The following YARS2 variants were observed in gnomAD, a reference collection of about 807,000 sequenced individuals.
YARS2 encodes the protein tyrosine--tRNA ligase, mitochondrial.
In YARS2, 38 loss-of-function variants were observed where a neutral mutation model predicts 45.0. The observed-to-expected ratio is 0.84, with a 90% CI of 0.65 to 1.11. The LOEUF is 1.11. Among genes scored for constraint, YARS2 ranks in the 50% least tolerant of loss-of-function variants. The pLI, the probability that YARS2 is intolerant of heterozygous loss-of-function variation, is 0.00. For missense variants in YARS2, 602 were observed against 599.8 expected, an observed-to-expected ratio of 1.00 and a Z score of -0.04; for synonymous variants, 287 against 245.1, an observed-to-expected ratio of 1.17 and a Z score of -1.60.
intron 4 of YARS2, among the ~76,000 whole-genome samples, chr12:32,748,753 A>C (rs1286976397): frequency 6.6e-6 from 1 of 152,246 alleles, no homozygotes; most frequent in East Asian, 1.9e-4. Flanking sequence ...CAGGCAGAAT[A>C]GTCTAGGACT....
At position 32,747,421 on chromosome 12, in the gene YARS2, CA is replaced by C. The variant is rs1031902328; in HGVS notation, c.1275-59del. 12 of 1,568,202 alleles carry C rather than the reference CA, an allele frequency of 7.7e-6. No homozygotes were observed. The African/African-American group carries it at 1.4e-4, about 18-fold the overall frequency. ...ATCCAATCACTGTTGATCTGTCCCC[CA>C]AAAAAGACTGTTTCACTTAGATTTC... On this transcript the variant is annotated intron_variant, in intron 4 of 4. Transcript: ENST00000324868.
intron 3 of YARS2, 122 bp downstream of exon 3, chr12:32,750,597 T>A: frequency 7.7e-7 from 1 of 1,304,458 alleles, no homozygotes; most frequent in East Asian, 2.4e-5. Context: ...TTTAAATTGC[T>A]AAGTCAAATA....
chr12:32,751,349 G>A (rs1955741652), intron 2 of YARS2, among the ~76,000 whole-genome samples: 1 of 151,998 alleles, frequency 6.6e-6, no homozygotes, highest in South Asian at 2.1e-4. Flanking sequence ...ATTATGGGCA[G>A]GAGCCACCAA....
chr12:32,750,633 A>G, intron 3 of YARS2, 86 bp downstream of exon 3: 1 of 1,558,582 alleles, frequency 6.4e-7, no homozygotes, highest in Non-Finnish European at 8.8e-7. Context: ...ATAAATGACA[A>G]GATAATCCTA....
At chr12:32,750,440 A>G (rs1955720315) in intron 3 of YARS2, among the ~76,000 whole-genome samples, 1 of 152,148 alleles carries the variant, frequency 6.6e-6, no homozygotes, top group Non-Finnish European at 1.5e-5. Context: ...TGACCTCGTG[A>G]TCAGCCCACC....
intron 3 of YARS2, 116 bp from the exon 4 acceptor site, chr12:32,750,223 A>G: frequency 8.0e-7 from 1 of 1,255,260 alleles, no homozygotes; most frequent in Non-Finnish European, 1.1e-6. Context: ...TTTTTTTGAG[A>G]TGGAGTCTCG....
At chr12:32,752,740 CAAAAAAAAAAAAA>C (rs56907654) in intron 2 of YARS2, 121 of 196,736 alleles carry the variant, frequency 6.2e-4, no homozygotes, top group African/African-American at 1.7e-3. Flanking sequence ...GACACTGCCT[CAAAAAAAAAAAAA>C]AAAAAAAAAA....
At chr12:32,752,740 C>T (rs75459541) in intron 2 of YARS2, 1 of 174,224 alleles carries the variant, frequency 5.7e-6, no homozygotes, top group Non-Finnish European at 1.1e-5. Flanking sequence ...GACACTGCCT[C>T]AAAAAAAAAA....
In YARS2 at chr12:32,746,994, G is replaced by C. The variant is rs1955651391; in HGVS notation, c.*210C>G. ...AATCATGGTTTTCTATGGTAATCAAGCTTTGTACATCAGAAAATAAAACAT... is the reference window on the plus strand; with the variant it reads ...AATCATGGTTTTCTATGGTAATCAACCTTTGTACATCAGAAAATAAAACAT... On this transcript the variant is annotated 3_prime_UTR_variant, in exon 5 of 5. Coordinates refer to ENST00000324868, the MANE Select transcript of YARS2 (RefSeq NM_001040436.3). 2 of 539,270 alleles carry C rather than the reference G, an allele frequency of 3.7e-6. No individual in the cohort carries two copies. The highest frequency in any genetic ancestry group is 1.9e-5 in the African/African-American group (1 of 52,620). 33.4% of individuals were successfully genotyped at this position (539,270 alleles called of 1,614,324 possible).
rs141873255 is a variant in YARS2, at chr12:32,747,076, ACT to A, written c.*126_*127del. 1.9e-3 allele frequency: 1,595 copies of A among 859,702 alleles called. 3 individuals carry two copies. Among genetic ancestry groups the A allele is most frequent in the Non-Finnish European group, 2.6e-3 (1,420 of 547,940 alleles). 53.3% of individuals were successfully genotyped at this position (859,702 alleles called of 1,614,324 possible). Reference sequence around the variant, plus strand: ...CCATAAAAATAATGAAGTTACTCACACTGAGTCCTAGTCCATTCTGTTTTTCT... The same window carrying A: ...CCATAAAAATAATGAAGTTACTCACAGAGTCCTAGTCCATTCTGTTTTTCT... On this transcript the variant is annotated 3_prime_UTR_variant, in exon 5 of 5. Transcript: ENST00000324868.
rs945406641 is a variant in YARS2, at chr12:32,747,131, T to C, written c.*73A>G. ...TTTGCATAAGCAAAGGTCTAAGTTC[T>C]GGAGCCAACCCTTCAGAGGTCTTGA... is the stretch of plus-strand genomic sequence containing the variant. On this transcript the variant is annotated 3_prime_UTR_variant, in exon 5 of 5. Coordinates refer to ENST00000324868, the MANE Select transcript of YARS2 (RefSeq NM_001040436.3). 1.9e-6 allele frequency: 3 copies of C among 1,541,822 alleles called. No individual in the cohort carries two copies. The Admixed American group carries it at 5.1e-5, about 26-fold the overall frequency.
At chr12:32,749,866 T>C (rs1955705100) in intron 4 of YARS2, 71 bp downstream of exon 4, 3 of 1,586,828 alleles carry the variant, frequency 1.9e-6, no homozygotes, top group Non-Finnish European at 2.6e-6. Flanking sequence ...CATGAGCCAC[T>C]TCTCCTGGCC....
At chr12:32,752,406 A>G (rs1955762485) in intron 2 of YARS2, among the ~76,000 whole-genome samples, 1 of 152,092 alleles carries the variant, frequency 6.6e-6, no homozygotes, top group African/African-American at 2.4e-5. Flanking sequence ...ATATAAAGTA[A>G]TTGTATTTCT....
At chr12:32,748,505 C>G (rs1955682571) in intron 4 of YARS2, among the ~76,000 whole-genome samples, 1 of 151,962 alleles carries the variant, frequency 6.6e-6, no homozygotes, top group Non-Finnish European at 1.5e-5. Flanking sequence ...CTGGCTAAAT[C>G]AGATGTGGTG....
intron 1 of YARS2, among the ~76,000 whole-genome samples, 155 bp downstream of exon 1, chr12:32,754,941 C>T (rs1429338295): frequency 6.6e-6 from 1 of 152,104 alleles, no homozygotes; most frequent in African/African-American, 2.4e-5. Context: ...TTCTTATTAG[C>T]CAGTGTTATT....
At chr12:32,748,180 T>G (rs1222990550) in intron 4 of YARS2, among the ~76,000 whole-genome samples, 1 of 152,106 alleles carries the variant, frequency 6.6e-6, no homozygotes, top group African/African-American at 2.4e-5. Flanking sequence ...ATACCTTTAT[T>G]TTTGGGTAGA....
rs1955653916 is a variant in YARS2 at position 32,747,081 on chromosome 12, G to A, written c.*123C>T. ...AAAATAATGAAGTTACTCACACTGA[G>A]TCCTAGTCCATTCTGTTTTTCTGAT... On this transcript the variant is annotated 3_prime_UTR_variant, in exon 5 of 5. Coordinates refer to ENST00000324868, the MANE Select transcript of YARS2 (RefSeq NM_001040436.3). The A allele has an allele frequency of 2.2e-6, 2 of 921,198 alleles. No homozygotes were observed. Among genetic ancestry groups the A allele is most frequent in the South Asian group, 3.0e-5 (2 of 67,016 alleles). The allele number at this position is 921,198 out of a possible 1,614,324, so 57.1% of individuals were successfully genotyped here. A position where few individuals can be genotyped will look rare whatever the true frequency, so the allele number is the denominator to read the frequency against.
Position 32,755,505 on chromosome 12 carries a change from C to T in YARS2, c.370G>A (p.Gly124Ser), listed in dbSNP as rs1955831488. ...GATARLGDPS[G>S]RTKEREALET... ...AGCGCCTCGCGTTCCTTGGTACGGCCGCTCGGGTCTCCCAGGCGCGCCGTG... is the reference window on the plus strand; with the variant it reads ...AGCGCCTCGCGTTCCTTGGTACGGCTGCTCGGGTCTCCCAGGCGCGCCGTG... Residue 124 changes from glycine to serine, a missense_variant, in exon 1 of 5, where the codon GGC (glycine) becomes AGC (serine). By Grantham distance (56) the Gly-to-Ser change is moderately conservative. Coordinates refer to ENST00000324868, the MANE Select transcript of YARS2 (RefSeq NM_001040436.3). The T allele has an allele frequency of 1.2e-6, 2 of 1,612,282 alleles. No homozygotes were observed. Among genetic ancestry groups the T allele is most frequent in the Non-Finnish European group, 1.7e-6 (2 of 1,179,488 alleles).
rs1955707173 is a variant in YARS2, at chr12:32,749,959, C to G, written c.1252G>C (p.Ala418Pro). Reference protein sequence around the residue: ...SVLDTCRKANAIPDGPRGYRM... With the variant: ...SVLDTCRKANPIPDGPRGYRM... ...TACCCTCGGGGACCATCTGGAATGG[C>G]ATTTGCTTTGCGGCAAGTATCTAGG... is the stretch of plus-strand genomic sequence containing the variant. The change falls in exon 4 of 5, where the codon GCC (alanine) becomes CCC (proline). Residue 418 changes from alanine to proline, a missense_variant. Physicochemically the swap from Ala to Pro is conservative, Grantham distance 27 (BLOSUM62 -1). Transcript: ENST00000324868. The G allele has an allele frequency of 6.2e-7, 1 of 1,614,082 alleles. No homozygotes were observed. The highest frequency in any genetic ancestry group is 8.5e-7 in the Non-Finnish European group (1 of 1,180,022).
Sources: allele counts gnomAD v4.1 joint callset (sites outside exome capture counted in the v4.1 genomes callset), GRCh38; gene constraint gnomAD v4.1.1; transcripts MANE v1.5; gene names NCBI Gene and HGNC (gene_info 2026-07-23, HGNC 2026-07-21).